ITGB8: variants seen among roughly 807,000 people sequenced by gnomAD.
ITGB8 encodes the protein integrin subunit beta 8, also known as integrin beta-8.
Under a neutral mutation model 89.5 loss-of-function variants are expected in ITGB8, and 30 were observed. The observed-to-expected ratio is 0.34, with a 90% CI of 0.25 to 0.45. The LOEUF (loss-of-function observed/expected upper bound fraction) is 0.45, where lower values mean the gene tolerates loss of function less well. ITGB8 is among the 20% of genes least tolerant of loss of function. ITGB8 has a pLI of 1.00. For synonymous variants in ITGB8, 335 were observed against 320.4 expected (o/e 1.05, Z -0.49); for missense variants, 836 against 933.3 (o/e 0.90, Z 1.36).
At position 20,380,729 on chromosome 7, in the gene ITGB8, C is replaced by T; in HGVS notation, c.699C>T (p.Asn233=). Residue 233 remains asparagine (N), a synonymous_variant, in exon 5 of 14, where the codon AAC becomes AAT. Coordinates refer to ENST00000222573, the MANE Select transcript of ITGB8 (RefSeq NM_002214.3). ...TCCATGTGCTGTCTTTGACAGAGAA[C>T]ATCACTGAGTTTGAGAAAGCAGTTC... ...GYIHVLSLTE[N]ITEFEKAVHR... 1.2e-6 allele frequency: 2 copies of T among 1,612,918 alleles called. No homozygotes were observed. The highest frequency in any genetic ancestry group is 2.7e-5 in the African/African-American group (2 of 75,008).
chr7:20,389,985 A>G (rs1786788523), intron 6 of ITGB8, among the ~76,000 whole-genome samples: 1 of 152,134 alleles, frequency 6.6e-6, no homozygotes, highest in South Asian at 2.1e-4. Flanking sequence ...TGAAAATTTG[A>G]TTTGTTTCTA....
intron 1 of ITGB8, among the ~76,000 whole-genome samples, chr7:20,340,639 T>A (rs1157102202): frequency 6.6e-6 from 1 of 152,224 alleles, no homozygotes; most frequent in East Asian, 1.9e-4. Context: ...GTATCAGGGA[T>A]CTTTCCTTGG....
intron 1 of ITGB8, among the ~76,000 whole-genome samples, chr7:20,338,507 C>T (rs1017160156): frequency 2.6e-5 from 4 of 152,058 alleles, no homozygotes; most frequent in African/African-American, 9.7e-5. Context: ...GCAGTGCGCA[C>T]CTGTAGTCCC....
At chr7:20,355,642 A>T (rs1439401988) in intron 1 of ITGB8, among the ~76,000 whole-genome samples, 1 of 152,182 alleles carries the variant, frequency 6.6e-6, no homozygotes, top group East Asian at 1.9e-4. Context: ...TTATTTAGAG[A>T]AAATAGTTTG....
In ITGB8 at chr7:20,408,173, G is replaced by A. The variant is rs189568520; in HGVS notation, c.2024-1442G>A. Among the ~76,000 whole-genome samples the A allele has an allele frequency of 1.6e-3, 245 of 152,236 alleles. 1 individual carries two copies. Among genetic ancestry groups the A allele is most frequent in the African/African-American group, 5.7e-3 (236 of 41,538 alleles). ...TAGTCCTAAATCAACCAGAGGAAAT[G>A]ACAGTCTGTCAGAACAAAAGGCATG... is the stretch of plus-strand genomic sequence containing the variant. On this transcript the variant is annotated intron_variant, in intron 12 of 13. Coordinates refer to ENST00000222573, the MANE Select transcript of ITGB8 (RefSeq NM_002214.3).
intron 1 of ITGB8, among the ~76,000 whole-genome samples, chr7:20,353,824 C>G (rs530704487): frequency 1.4e-5 from 2 of 140,942 alleles, no homozygotes; most frequent in Admixed American, 7.4e-5. Context: ...CCCAGCTACA[C>G]GGGAGGCTGA....
In ITGB8 at chr7:20,355,170, G is replaced by A. The variant is rs935240054; in HGVS notation, c.128-8467G>A. ...ACCCGCTCCAACCCCACTCCTCCCC[G>A]TACCAGGCTGCCTGCAGCCAGTGAC... On this transcript the variant is annotated intron_variant, in intron 1 of 13. Coordinates refer to ENST00000222573, the MANE Select transcript of ITGB8 (RefSeq NM_002214.3). Among the ~76,000 whole-genome samples, 5 of 152,108 alleles carry A rather than the reference G, an allele frequency of 3.3e-5. 1 individual carries two copies. Among genetic ancestry groups the A allele is most frequent in the South Asian group, 4.1e-4 (2 of 4,834 alleles).
In ITGB8 at chr7:20,331,763, G is replaced by C; in HGVS notation, c.-44G>C. 1 of 1,588,712 alleles carries C rather than the reference G, an allele frequency of 6.3e-7. No homozygotes were observed. The highest frequency in any genetic ancestry group is 1.8e-5 in the Admixed American group (1 of 56,960). ...GCCCGGGAGGCGCGAGCCCGCGTCC[G>C]GAAGGCAGTCAGGCGGCGGGCGCGG... On this transcript the variant is annotated 5_prime_UTR_variant, in exon 1 of 14. Coordinates refer to ENST00000222573, the MANE Select transcript of ITGB8 (RefSeq NM_002214.3).
At chr7:20,341,334 A>T (rs1271145975) in intron 1 of ITGB8, among the ~76,000 whole-genome samples, 1 of 152,222 alleles carries the variant, frequency 6.6e-6, no homozygotes, top group African/African-American at 2.4e-5. Flanking sequence ...AAAAAGAAAC[A>T]TTCAAGAAGG....
In ITGB8 at chr7:20,414,942, G is replaced by C. The variant is rs35386086; in HGVS notation, c.*4945G>C. On this transcript the variant is annotated 3_prime_UTR_variant, in exon 14 of 14. Coordinates refer to ENST00000222573, the MANE Select transcript of ITGB8 (RefSeq NM_002214.3). The stretch of plus-strand genomic sequence containing the variant: ...TACTGCTCTATTAATCAGGTTTCTA[G>C]CCTCTACAACCTACTTCAGTTAAAA... 0.23 allele frequency: 35,417 copies of C among 152,086 alleles called. 4,710 individuals carry two copies. Among genetic ancestry groups the C allele is most frequent in the Non-Finnish European group, 0.3 (20,297 of 67,822 alleles). The allele number at this position is 152,086 out of a possible 1,614,324, so 9.4% of individuals were successfully genotyped here.
At chr7:20,408,705 C>T (rs1319149007) in intron 12 of ITGB8, among the ~76,000 whole-genome samples, 1 of 152,128 alleles carries the variant, frequency 6.6e-6, no homozygotes, top group African/African-American at 2.4e-5. Context: ...GCCTATTGTG[C>T]AACCATCTTC....
In ITGB8 at chr7:20,330,980, C is replaced by A. The variant is rs1201167362; in HGVS notation, c.-827C>A. 2.6e-5 allele frequency: 4 copies of A among 152,410 alleles called. No individual in the cohort carries two copies. Among genetic ancestry groups the A allele is most frequent in the East Asian group, 1.9e-4 (1 of 5,188 alleles). 9.4% of individuals were successfully genotyped at this position (152,410 alleles called of 1,614,324 possible). A position where few individuals can be genotyped will look rare whatever the true frequency, so the allele number is the denominator to read the frequency against. ...GGCGAAAAGGACAAGGGCACGCAGC[C>A]CCCGCCCCGCGAAGCCGGGCTCCGG... On this transcript the variant is annotated 5_prime_UTR_variant, in exon 1 of 14. Transcript: ENST00000222573.
chr7:20,340,132 A>G (rs1005152523), intron 1 of ITGB8, among the ~76,000 whole-genome samples: 1 of 152,180 alleles, frequency 6.6e-6, no homozygotes, highest in African/African-American at 2.4e-5. Flanking sequence ...TCACTGCTAT[A>G]ATGGTTTTAG....
chr7:20,332,490 G>A (rs1254311664), intron 1 of ITGB8, among the ~76,000 whole-genome samples: 1 of 86,310 alleles, frequency 1.2e-5, no homozygotes, highest in African/African-American at 7.2e-5. Context: ...CATCCTTTCG[G>A]CTTAAAAAAA....
At chr7:20,355,233 A>C (rs1785252051) in intron 1 of ITGB8, among the ~76,000 whole-genome samples, 1 of 152,134 alleles carries the variant, frequency 6.6e-6, no homozygotes, top group African/African-American at 2.4e-5. Flanking sequence ...CCAGGCTCCC[A>C]GGTGGGACAA....
At chr7:20,349,054 G>A (rs565437136) in intron 1 of ITGB8, among the ~76,000 whole-genome samples, 252 of 152,168 alleles carry the variant, frequency 1.7e-3, no homozygotes, top group Non-Finnish European at 2.9e-3. Context: ...AATTTCTACC[G>A]ATGATATTAA....
intron 8 of ITGB8, among the ~76,000 whole-genome samples, chr7:20,395,229 C>T (rs1245045633): frequency 6.6e-6 from 1 of 152,212 alleles, no homozygotes; most frequent in Non-Finnish European, 1.5e-5. Flanking sequence ...TAGAGGCTAT[C>T]TAAATTTCCT....
intron 1 of ITGB8, among the ~76,000 whole-genome samples, chr7:20,341,000 T>C (rs900523197): frequency 2.6e-5 from 4 of 152,194 alleles, no homozygotes; most frequent in Non-Finnish European, 4.4e-5. Flanking sequence ...ATGCAAGGTA[T>C]TCATTGACTG....
chr7:20,344,933 C>T (rs1202092340), intron 1 of ITGB8, among the ~76,000 whole-genome samples: 1 of 152,162 alleles, frequency 6.6e-6, no homozygotes, highest in African/African-American at 2.4e-5. Context: ...AAGATCTGCT[C>T]TCATGGAGCT....
Sources: gnomAD v4.1 joint callset for allele counts (sites outside exome capture counted in the v4.1 genomes callset) on GRCh38, gnomAD v4.1.1 for gene constraint, MANE v1.5 for transcripts, NCBI Gene and HGNC (gene_info 2026-07-23, HGNC 2026-07-21) for gene names.